Variants in EP300 observed in about 807,000 individuals in gnomAD.
EP300 encodes the protein EP300 lysine acetyltransferase, also known as histone acetyltransferase p300.
EP300 carries 31 observed loss-of-function variants against 264.0 expected under a neutral mutation model. That is an observed-to-expected ratio of 0.12 (90% confidence interval 0.09 to 0.16). The LOEUF is 0.16. Among genes scored for constraint, EP300 ranks in the 10% least tolerant of loss-of-function variants. The pLI, the probability that EP300 is intolerant of heterozygous loss-of-function variation, is 1.00. For synonymous variants in EP300, 1,340 were observed against 1,045.4 expected (o/e 1.28, Z -5.44); for missense variants, 2,766 against 3,052.9 (o/e 0.91, Z 2.21).
Position 41,155,068 on chromosome 22 carries a change from C to G in EP300, c.3216C>G (p.Ser1072=), listed in dbSNP as rs764807486. 1 of 1,614,038 alleles carries G rather than the reference C, an allele frequency of 6.2e-7. No individual in the cohort carries two copies. ...CACTTTACCGTCAGGATCCAGAATC[C>G]CTTCCCTTTCGTCAACCTGTGGACC... The part of the protein sequence containing the change: ...LEALYRQDPE[S]LPFRQPVDPQ... Residue 1072 remains serine (S), a synonymous_variant, in exon 17 of 31, where the codon TCC becomes TCG. Transcript: ENST00000263253.
At position 41,099,613 on chromosome 22, in the gene EP300, T is replaced by G. The variant is rs139174931; in HGVS notation, c.94+6515T>G. ...CAATTTCATGTATAGATTTGATCTTTGTAACCTCCGCATACAATTTTTTTT... is the reference window on the plus strand; with the variant it reads ...CAATTTCATGTATAGATTTGATCTTGGTAACCTCCGCATACAATTTTTTTT... On this transcript the variant is annotated intron_variant, in intron 1 of 30. Transcript: ENST00000263253. Among the ~76,000 whole-genome samples the G allele has an allele frequency of 3.9e-5, 6 of 152,356 alleles. No homozygotes were observed. In the East Asian group the frequency reaches 1.2e-3, roughly 29 times the overall value.
At chr22:41,101,502 C>G (rs1463917783) in intron 1 of EP300, among the ~76,000 whole-genome samples, 4 of 151,464 alleles carry the variant, frequency 2.6e-5, no homozygotes, top group African/African-American at 9.7e-5. Context: ...AGCTCCGCCT[C>G]CTGGGTTCAT....
rs1266790744 is a variant in EP300, at chr22:41,179,876, C to CCCCA, written c.*921_*922insCCAC. On this transcript the variant is annotated 3_prime_UTR_variant, in exon 31 of 31. Transcript: ENST00000263253. ...GCTTTCTTCCTCCTTACCCTACCCC[C>CCCCA]CACTCACACACACACACACACACAC... 1.1e-4 allele frequency: 14 copies of CCCCA among 131,406 alleles called. 2 individuals are homozygous for CCCCA. The highest frequency in any genetic ancestry group is 6.0e-5 in the Non-Finnish European group (4 of 66,406). 8.1% of individuals were successfully genotyped at this position (131,406 alleles called of 1,614,324 possible).
chr22:41,164,167 C>A, intron 22 of EP300, 37 bp downstream of exon 22: 3 of 1,586,778 alleles, frequency 1.9e-6, no homozygotes, highest in Non-Finnish European at 2.6e-6. Context: ...TGGAATTTTT[C>A]TTTATCGTGA....
chr22:41,092,846 C>G lies in EP300; in HGVS notation c.-159C>G, dbSNP rs2058680529. On this transcript the variant is annotated 5_prime_UTR_variant, in exon 1 of 31. Transcript: ENST00000263253. Reference sequence around the variant, plus strand: ...TCGAGTCCGCATCCCTCTCCAGCCACTGCGACCCGGCGAAGAGAAAAAGGA... The same window carrying G: ...TCGAGTCCGCATCCCTCTCCAGCCAGTGCGACCCGGCGAAGAGAAAAAGGA... 1 of 811,298 alleles carries G rather than the reference C, an allele frequency of 1.2e-6. No individual in the cohort carries two copies. Among genetic ancestry groups the G allele is most frequent in the Non-Finnish European group, 2.2e-6 (1 of 465,016 alleles). 50.3% of individuals were successfully genotyped at this position (811,298 alleles called of 1,614,324 possible).
At position 41,092,796 on chromosome 22, in the gene EP300, C is replaced by T. The variant is rs2058679984; in HGVS notation, c.-209C>T. 1.1e-5 allele frequency: 7 copies of T among 643,684 alleles called. No homozygotes were observed. The highest frequency in any genetic ancestry group is 3.7e-5 in the African/African-American group (2 of 54,556). The allele number at this position is 643,684 out of a possible 1,614,324, so 39.9% of individuals were successfully genotyped here. On this transcript the variant is annotated 5_prime_UTR_variant, in exon 1 of 31. Transcript: ENST00000263253. ...CCGGGCTTGGGCCCAGGCCCGGCCC[C>T]TCGCACTTGCCCTTACCTTTTCTAT...
At chr22:41,134,606 G>T (rs1484277569) in intron 6 of EP300, among the ~76,000 whole-genome samples, 2 of 152,170 alleles carry the variant, frequency 1.3e-5, no homozygotes, top group South Asian at 2.1e-4. Flanking sequence ...TGTGGCCCAG[G>T]CTGGTCTTGA....
At chr22:41,134,429 G>C (rs116027934) in intron 6 of EP300, among the ~76,000 whole-genome samples, 1 of 151,936 alleles carries the variant, frequency 6.6e-6, no homozygotes, top group African/African-American at 2.4e-5. Flanking sequence ...ACTGGGTCTC[G>C]CTGTGTCACC....
At chr22:41,132,815 G>A (rs1034421113) in intron 6 of EP300, among the ~76,000 whole-genome samples, 6 of 152,264 alleles carry the variant, frequency 3.9e-5, no homozygotes, top group African/African-American at 1.4e-4. Context: ...AGGGAAGAGG[G>A]AGAAGTGTTC....
chr22:41,140,079 T>A, intron 8 of EP300, 61 bp from the exon 9 acceptor site: 4 of 1,225,602 alleles, frequency 3.3e-6, no homozygotes, highest in Non-Finnish European at 4.8e-6. Context: ...TGTATAAAAA[T>A]CAGAAAAATA....
chr22:41,155,216 G>A, intron 17 of EP300, 103 bp downstream of exon 17: 1 of 974,592 alleles, frequency 1.0e-6, no homozygotes, highest in Non-Finnish European at 1.6e-6. Context: ...TTTCAAATTT[G>A]TAATTCAGTG....
At chr22:41,093,172 T>C (rs1200119036) in intron 1 of EP300, 74 bp downstream of exon 1, 11 of 1,472,558 alleles carry the variant, frequency 7.5e-6, no homozygotes, top group South Asian at 1.2e-5. Context: ...TTCTTCCATT[T>C]TTTTTTTCTT....
chr22:41,177,745 A>G lies in EP300; in HGVS notation c.6034A>G (p.Arg2012Gly), dbSNP rs992236147. 1.9e-6 allele frequency: 3 copies of G among 1,613,910 alleles called. No homozygotes were observed. The highest frequency in any genetic ancestry group is 2.5e-6 in the Non-Finnish European group (3 of 1,180,018). ...QPQQLQSGMP[R>G]PAMMSVAQHG... ...CCAGCAACTACAGTCTGGGATGCCAAGGCCAGCCATGATGTCAGTGGCCCA... is the reference window on the plus strand; with the variant it reads ...CCAGCAACTACAGTCTGGGATGCCAGGGCCAGCCATGATGTCAGTGGCCCA... The change falls in exon 31 of 31, where the codon AGG becomes GGG. Residue 2012 changes from arginine to glycine, a missense_variant. Coordinates refer to ENST00000263253, the MANE Select transcript of EP300 (RefSeq NM_001429.4).
At chr22:41,112,303 C>A (rs2058796720) in intron 1 of EP300, among the ~76,000 whole-genome samples, 1 of 152,106 alleles carries the variant, frequency 6.6e-6, no homozygotes, top group South Asian at 2.1e-4. Context: ...CGATTCCTTG[C>A]TTCAGCCTCC....
At chr22:41,169,661 C>T (rs758126425) in intron 26 of EP300, 45 bp downstream of exon 26, 3 of 1,131,420 alleles carry the variant, frequency 2.7e-6, no homozygotes, top group Non-Finnish European at 4.0e-6. Context: ...ACTAGCATGG[C>T]ATTCTGGTGA....
chr22:41,100,397 C>G (rs2058724972), intron 1 of EP300, among the ~76,000 whole-genome samples: 1 of 152,274 alleles, frequency 6.6e-6, no homozygotes, highest in East Asian at 1.9e-4. Flanking sequence ...ATAGAGGAGT[C>G]TTAAGAGTAA....
chr22:41,158,656 G>A (rs767828522), intron 19 of EP300, 156 bp downstream of exon 19: 3 of 659,870 alleles, frequency 4.5e-6, no homozygotes, highest in Non-Finnish European at 8.2e-6. Flanking sequence ...GCCTTTGTTT[G>A]CAGAACAATA....
intron 16 of EP300, among the ~76,000 whole-genome samples, chr22:41,154,528 C>G (rs963025829): frequency 6.6e-6 from 1 of 151,644 alleles, no homozygotes; most frequent in African/African-American, 2.4e-5. Flanking sequence ...GACTAGCATG[C>G]CACCATGTCC....
chr22:41,148,198 C>G (rs1364163948), intron 12 of EP300, among the ~76,000 whole-genome samples: 1 of 152,170 alleles, frequency 6.6e-6, no homozygotes, highest in East Asian at 1.9e-4. Context: ...TGATGTCTGT[C>G]TTCCCTCCTC....
Sources: allele counts gnomAD v4.1 joint callset (sites outside exome capture counted in the v4.1 genomes callset), GRCh38; gene constraint gnomAD v4.1.1; transcripts MANE v1.5; gene names NCBI Gene and HGNC (gene_info 2026-07-23, HGNC 2026-07-21).